The following AKAP6 variants were observed in gnomAD, a reference collection of about 807,000 sequenced individuals.
AKAP6 encodes A-kinase anchoring protein 6, also known as A-kinase anchor protein 6.
In AKAP6, 58 loss-of-function variants were observed where a neutral mutation model predicts 188.5. The ratio of observed to expected loss-of-function variants is 0.31; its 90% CI spans 0.25 to 0.38. The LOEUF is 0.38. AKAP6 is among the 10% of genes least tolerant of loss of function. The pLI, the probability that AKAP6 is intolerant of heterozygous loss-of-function variation, is 1.00. For synonymous variants in AKAP6, 989 were observed against 998.6 expected (o/e 0.99, Z 0.18); for missense variants, 2,710 against 2,740.0 (o/e 0.99, Z 0.24).
chr14:32,633,757 T>G (rs1393402174), intron 7 of AKAP6, among the ~76,000 whole-genome samples: 1 of 152,056 alleles, frequency 6.6e-6, no homozygotes, highest in Non-Finnish European at 1.5e-5. Flanking sequence ...TTCCTATGCC[T>G]CTAACATTGG....
intron 12 of AKAP6, among the ~76,000 whole-genome samples, chr14:32,817,852 A>G (rs952306444): frequency 5.3e-5 from 8 of 152,210 alleles, no homozygotes; most frequent in Non-Finnish European, 8.8e-5. Context: ...CTATCATCAA[A>G]GAGAGCATTC....
chr14:32,750,440 G>T (rs768864768), intron 11 of AKAP6, among the ~76,000 whole-genome samples: 13 of 152,018 alleles, frequency 8.6e-5, no homozygotes, highest in Non-Finnish European at 1.8e-4. Context: ...AAGTAATTCA[G>T]GTCTAGCTTG....
intron 1 of AKAP6, among the ~76,000 whole-genome samples, chr14:32,367,750 C>T (rs1464455268): frequency 1.3e-5 from 2 of 152,176 alleles, no homozygotes; most frequent in African/African-American, 2.4e-5. Context: ...CCAGCCAGCT[C>T]AGTGAGGTAT....
intron 1 of AKAP6, among the ~76,000 whole-genome samples, chr14:32,398,346 T>C (rs1055290980): frequency 2.0e-5 from 3 of 152,180 alleles, no homozygotes; most frequent in Non-Finnish European, 4.4e-5. Context: ...AACCAGGTGT[T>C]TATTTACCTT....
chr14:32,395,482 G>C (rs946333846), intron 1 of AKAP6, among the ~76,000 whole-genome samples: 1 of 152,088 alleles, frequency 6.6e-6, no homozygotes, highest in Admixed American at 6.6e-5. Flanking sequence ...ATGGAATTTG[G>C]GGGAAATCAA....
At position 32,809,940 on chromosome 14, in the gene AKAP6, A is replaced by T. The variant is rs1481292709; in HGVS notation, c.3589-11462A>T. Among the ~76,000 whole-genome samples, 3 of 152,166 alleles carry T rather than the reference A, an allele frequency of 2.0e-5. No homozygotes were observed. The South Asian group carries it at 6.2e-4, about 32-fold the overall frequency. ...TTATTTCCCTGATTGCTCGCTATTTATTAAGAGAAAAAAGCAACCAAGCTT... is the reference window on the plus strand; with the variant it reads ...TTATTTCCCTGATTGCTCGCTATTTTTTAAGAGAAAAAAGCAACCAAGCTT... On this transcript the variant is annotated intron_variant, in intron 12 of 13. Coordinates refer to ENST00000280979, the MANE Select transcript of AKAP6 (RefSeq NM_004274.5).
chr14:32,466,846 T>TATATATATATATATATATATATA (rs879653303), intron 2 of AKAP6, among the ~76,000 whole-genome samples: 13 of 142,614 alleles, frequency 9.1e-5, no homozygotes, highest in African/African-American at 3.0e-4. Flanking sequence ...TATATATATA[T>TATATATATATATATATATATATA]TTTCTTTCTT....
chr14:32,342,828 T>A (rs766504859), intron 1 of AKAP6, among the ~76,000 whole-genome samples: 1 of 152,182 alleles, frequency 6.6e-6, no homozygotes, highest in Admixed American at 6.5e-5. Context: ...CAAATTGATA[T>A]GTAAAGTTAC....
rs914087574 is a variant in AKAP6, at chr14:32,404,354, A to T, written c.-34-29106A>T. Among the ~76,000 whole-genome samples, 7 of 152,030 alleles carry T rather than the reference A, an allele frequency of 4.6e-5. No homozygotes were observed. In the South Asian group the frequency reaches 8.3e-4, roughly 18 times the overall value. On this transcript the variant is annotated intron_variant, in intron 1 of 13. Transcript: ENST00000280979. ...ACCTTTTGGAGAAGCAGAAAAAAAT[A>T]CTGAAGTGATTTTTGTTGGGGGAGT...
intron 9 of AKAP6, chr14:32,726,337 T>C (rs972613662): frequency 5.0e-6 from 2 of 397,004 alleles, no homozygotes; most frequent in Non-Finnish European, 6.8e-6. Context: ...GGTTGCTTGG[T>C]TGAAACTAAT....
intron 1 of AKAP6, among the ~76,000 whole-genome samples, chr14:32,420,909 T>TTTTTTGTGTGTGTG (rs1555327187): frequency 3.4e-5 from 5 of 146,520 alleles, no homozygotes; most frequent in South Asian, 2.3e-4. Flanking sequence ...GGAGATTGAT[T>TTTTTTGTGTGTGTG]TGTGTGTGTG....
chr14:32,552,419 G>A (rs555024105), intron 4 of AKAP6, among the ~76,000 whole-genome samples: 2 of 152,184 alleles, frequency 1.3e-5, no homozygotes, highest in Non-Finnish European at 2.9e-5. Flanking sequence ...GGATCAGAAG[G>A]GACAGAAAGA....
chr14:32,735,593 T>G, intron 10 of AKAP6, 65 bp from the exon 11 acceptor site: 1 of 1,288,748 alleles, frequency 7.8e-7, no homozygotes, highest in South Asian at 1.5e-5. Context: ...TTTGTTTTTT[T>G]GTTGTTCGTG....
chr14:32,730,279 C>T (rs1016160341), intron 9 of AKAP6, among the ~76,000 whole-genome samples: 58 of 152,032 alleles, frequency 3.8e-4, no homozygotes, highest in African/African-American at 1.2e-3. Context: ...CCATCAATCA[C>T]ATCTTAAATC....
intron 7 of AKAP6, among the ~76,000 whole-genome samples, chr14:32,624,970 A>G (rs1417243191): frequency 1.3e-5 from 2 of 152,164 alleles, no homozygotes; most frequent in Non-Finnish European, 2.9e-5. Context: ...GATAATTCCT[A>G]GTGATTTTGT....
rs1406480125 is a variant in AKAP6 at position 32,540,192 on chromosome 14, A to ATATATT, written c.576+4388_576+4389insATATTT. On this transcript the variant is annotated intron_variant, in intron 3 of 13. Transcript: ENST00000280979. ...TCTATATATATATATATATATATAT[A>ATATATT]TTTTAATTTTTTATTTTTTTTTTTG... is the stretch of plus-strand genomic sequence containing the variant. Among the ~76,000 whole-genome samples, 140 of 123,354 alleles carry ATATATT rather than the reference A, an allele frequency of 1.1e-3. 1 individual carries two copies. Among genetic ancestry groups the ATATATT allele is most frequent in the African/African-American group, 4.1e-3 (131 of 32,264 alleles). The allele number at this position is 123,354 out of a possible 152,430, so 80.9% of individuals were successfully genotyped here.
At chr14:32,777,988 G>C (rs1410134511) in intron 12 of AKAP6, among the ~76,000 whole-genome samples, 1 of 152,156 alleles carries the variant, frequency 6.6e-6, no homozygotes, top group Non-Finnish European at 1.5e-5. Flanking sequence ...GCAGTGAGCT[G>C]TGTTTGTGCC....
chr14:32,344,149 G>A (rs1280570779), intron 1 of AKAP6, among the ~76,000 whole-genome samples: 1 of 152,180 alleles, frequency 6.6e-6, no homozygotes, highest in Non-Finnish European at 1.5e-5. Flanking sequence ...TGGATGTCTA[G>A]AAGCTCTTTC....
At chr14:32,780,109 A>G (rs1411155322) in intron 12 of AKAP6, among the ~76,000 whole-genome samples, 1 of 149,872 alleles carries the variant, frequency 6.7e-6, no homozygotes, top group African/African-American at 2.5e-5. Flanking sequence ...ATATGGGAAC[A>G]ACTGAAGTGT....
Sources: gnomAD v4.1 joint callset for allele counts (sites outside exome capture counted in the v4.1 genomes callset) on GRCh38, gnomAD v4.1.1 for gene constraint, MANE v1.5 for transcripts, NCBI Gene and HGNC (gene_info 2026-07-23, HGNC 2026-07-21) for gene names.